The following EPHA10 variants were observed in gnomAD, a reference collection of about 807,000 sequenced individuals.
The protein encoded by EPHA10 is ephrin type-A receptor 10.
Under a neutral mutation model 109.7 loss-of-function variants are expected in EPHA10, and 120 were observed. The ratio of observed to expected loss-of-function variants is 1.09; its 90% CI spans 0.94 to 1.27. EPHA10 has a LOEUF of 1.27. EPHA10 is among the 50% of genes most tolerant of loss of function. The probability of loss-of-function intolerance (pLI) is 0.00; values close to 1 mark genes in which losing one functional copy is unlikely to be tolerated. For missense variants in EPHA10, 1,396 were observed against 1,411.1 expected (o/e 0.99, Z 0.17); for synonymous variants, 640 against 618.9 (o/e 1.03, Z -0.51).
At position 37,731,399 on chromosome 1, in the gene EPHA10, C is replaced by T; in HGVS notation, c.1663+12G>A. 1.9e-6 allele frequency: 3 copies of T among 1,583,472 alleles called. No individual in the cohort carries two copies. Among genetic ancestry groups the T allele is most frequent in the Non-Finnish European group, 2.6e-6 (3 of 1,162,498 alleles). On this transcript the variant is annotated intron_variant, in intron 7 of 16. Coordinates refer to ENST00000373048, the MANE Select transcript of EPHA10 (RefSeq NM_001099439.2). ...CTGTCTAGGTCCCTGTCCACTCACA[C>T]ACACTACTTACCCTCCCCCAGGGTC...
chr1:37,728,740 G>A (rs902095725), intron 7 of EPHA10, among the ~76,000 whole-genome samples: 1 of 152,176 alleles, frequency 6.6e-6, no homozygotes, highest in Non-Finnish European at 1.5e-5. Flanking sequence ...AAGTGAGGAG[G>A]AACAGAAGAC....
At position 37,723,293 on chromosome 1, in the gene EPHA10, C is replaced by A; in HGVS notation, c.1834+18G>T. Reference sequence around the variant, plus strand: ...AGGGTGGAGCCCGCCCCTCCCCAGCCAGGCCCAGCCAACTCACAGTGGAAA... The same window carrying A: ...AGGGTGGAGCCCGCCCCTCCCCAGCAAGGCCCAGCCAACTCACAGTGGAAA... On this transcript the variant is annotated intron_variant, in intron 9 of 16. Transcript: ENST00000373048. 6.2e-7 allele frequency: 1 copy of A among 1,613,444 alleles called. No individual in the cohort carries two copies. Among genetic ancestry groups the A allele is most frequent in the East Asian group, 2.2e-5 (1 of 44,884 alleles).
Position 37,764,967 on chromosome 1 carries a change from C to T in EPHA10, c.100G>A (p.Glu34Lys), listed in dbSNP as rs749446552. 4 of 1,606,264 alleles carry T rather than the reference C, an allele frequency of 2.5e-6. No individual in the cohort carries two copies. The African/African-American group carries it at 4.0e-5, about 16-fold the overall frequency. Reference sequence around the variant, plus strand: ...AGCTCACCAGTCTTCTCACCTTCCTCGGCGGTCCCAGGCCGCCAGGGTCCC... The same window carrying T: ...AGCTCACCAGTCTTCTCACCTTCCTTGGCGGTCCCAGGCCGCCAGGGTCCC... ...LLGPWRPGTA[E>K]EVILLDSKAS... is the part of the protein sequence containing the mutation. The change falls in exon 1 of 17, where the codon GAG becomes AAG. Residue 34 changes from glutamate to lysine, a missense_variant. Coordinates refer to ENST00000373048, the MANE Select transcript of EPHA10 (RefSeq NM_001099439.2). This position sits in a 1 kb window ranked among gnomAD's most constrained non-coding sequence, Gnocchi z 5.8.
In EPHA10 at chr1:37,746,964, G is replaced by A. The variant is rs1388737725; in HGVS notation, c.1357+5912C>T. The stretch of plus-strand genomic sequence containing the variant: ...TAGTTGTTACCAAGAGCTAGAGGAG[G>A]TGGATGGAATGGTGAGTGACTAATG... On this transcript the variant is annotated intron_variant, in intron 5 of 16. Transcript: ENST00000373048. Among the ~76,000 whole-genome samples, 5 of 152,206 alleles carry A rather than the reference G, an allele frequency of 3.3e-5. No individual in the cohort carries two copies. The East Asian group carries it at 9.6e-4, about 29-fold the overall frequency.
At chr1:37,739,633 G>T (rs1377089236) in intron 5 of EPHA10, among the ~76,000 whole-genome samples, 1 of 144,138 alleles carries the variant, frequency 6.9e-6, no homozygotes, top group African/African-American at 2.6e-5. Context: ...AGGTTGCAGT[G>T]AGCCAAGATT....
intron 14 of EPHA10, 107 bp downstream of exon 14, chr1:37,719,802 G>C (rs934460180): frequency 6.4e-7 from 1 of 1,567,524 alleles, no homozygotes; most frequent in Non-Finnish European, 8.7e-7. Context: ...AGACAGAGAA[G>C]AGGGGCCTGA....
At chr1:37,749,602 G>C (rs1299452177) in intron 5 of EPHA10, among the ~76,000 whole-genome samples, 1 of 151,992 alleles carries the variant, frequency 6.6e-6, no homozygotes, top group Non-Finnish European at 1.5e-5. Context: ...CAACCCAGGA[G>C]GCGGAGGTTG....
At chr1:37,715,873 C>A, downstream of EPHA10, 1 of 553,614 alleles carries the variant, frequency 1.8e-6, no homozygotes, top group Non-Finnish European at 3.6e-6. Flanking sequence ...AGAGAGATCT[C>A]AGACGCAGAT....
At chr1:37,736,399 C>T (rs1011065949) in intron 5 of EPHA10, among the ~76,000 whole-genome samples, 1 of 146,020 alleles carries the variant, frequency 6.8e-6, no homozygotes, top group Non-Finnish European at 1.5e-5. Context: ...TCAGTTGAAC[C>T]CGGGAGGTGG....
intron 13 of EPHA10, 130 bp from the exon 14 acceptor site, chr1:37,720,188 G>C: frequency 7.0e-7 from 1 of 1,419,588 alleles, no homozygotes; most frequent in Non-Finnish European, 9.5e-7. Context: ...TCACATCTGG[G>C]AAAGACAGAA....
At position 37,756,090 on chromosome 1, in the gene EPHA10, C is replaced by A. The variant is rs886353222; in HGVS notation, c.851-1720G>T. On this transcript the variant is annotated intron_variant, in intron 3 of 16. Transcript: ENST00000373048. ...GGGGAGGGGCTCGGCAGCCCAGGAG[C>A]CTTCAGAAGTCTCCTCTGCCTGCAG... Among the ~76,000 whole-genome samples, 6 of 152,100 alleles carry A rather than the reference C, an allele frequency of 3.9e-5. No homozygotes were observed. In the South Asian group the frequency reaches 1.2e-3, roughly 32 times the overall value.
chr1:37,718,833 C>T lies in EPHA10; in HGVS notation c.2757-17G>A. 1 of 1,595,460 alleles carries T rather than the reference C, an allele frequency of 6.3e-7. No individual in the cohort carries two copies. The highest frequency in any genetic ancestry group is 8.5e-7 in the Non-Finnish European group (1 of 1,170,076). ...GTGGGAGGCCTGCGGGTCAGAGGAG[C>T]TGTGCTCAACCGACAGCTGGGATCT... On this transcript the variant is annotated splice_polypyrimidine_tract_variant and intron_variant, in intron 15 of 16. Coordinates refer to ENST00000373048, the MANE Select transcript of EPHA10 (RefSeq NM_001099439.2).
At chr1:37,753,369 G>A (rs1392293430) in intron 4 of EPHA10, 143 bp from the exon 5 acceptor site, 3 of 468,502 alleles carry the variant, frequency 6.4e-6, no homozygotes, top group East Asian at 3.8e-5. Flanking sequence ...GGGGAGGAGG[G>A]AACCAGGGCG....
chr1:37,732,192 A>G (rs60691925), intron 6 of EPHA10, among the ~76,000 whole-genome samples: 9,141 of 151,976 alleles, frequency 0.06, 362 homozygotes, highest in Middle Eastern at 0.12. Context: ...TCTGCATGAG[A>G]CCCTTTGCCT....
chr1:37,722,309 A>G, intron 10 of EPHA10: 1 of 250,038 alleles, frequency 4.0e-6, no homozygotes, highest in South Asian at 4.3e-5. Context: ...TAAAGAAAGG[A>G]CAGGGCATAT....
At chr1:37,721,616 C>G in intron 11 of EPHA10, 44 bp downstream of exon 11, 1 of 1,558,520 alleles carries the variant, frequency 6.4e-7, no homozygotes, top group Non-Finnish European at 8.7e-7. Context: ...TTCCACCCCC[C>G]ATACCCGTGG....
chr1:37,735,053 T>C (rs557667387), intron 6 of EPHA10, among the ~76,000 whole-genome samples: 7 of 151,940 alleles, frequency 4.6e-5, no homozygotes, highest in African/African-American at 1.7e-4. Context: ...ATGGTTGGTG[T>C]TGGAGATAGA....
At chr1:37,714,558 C>T (rs1023483990), downstream of EPHA10, among the ~76,000 whole-genome samples, 2 of 152,170 alleles carry the variant, frequency 1.3e-5, no homozygotes, top group Non-Finnish European at 2.9e-5. Context: ...TGAATTGTGC[C>T]CCCCGCCAGG....
rs200610563 is a variant in EPHA10, at chr1:37,719,904, C to G, written c.2562+5G>C. ...GGCATGCAGCTGGAGCCACGGGTTA[C>G]TCACGTCTTGGCCAGACATGTCCCA... is the stretch of plus-strand genomic sequence containing the variant. On this transcript the variant is annotated splice_donor_5th_base_variant and intron_variant, in intron 14 of 16. Transcript: ENST00000373048. The G allele has an allele frequency of 9.0e-5, 146 of 1,614,014 alleles. 2 individuals carry two copies. In the Admixed American group the frequency reaches 2.3e-3, roughly 25 times the overall value.
Sources: allele counts gnomAD v4.1 joint callset (sites outside exome capture counted in the v4.1 genomes callset), GRCh38; gene constraint gnomAD v4.1.1; non-coding constraint Gnocchi (gnomAD v3.1); transcripts MANE v1.5; gene names NCBI Gene and HGNC (gene_info 2026-07-23, HGNC 2026-07-21).